Variants in NCKAP5 observed in about 807,000 individuals in gnomAD.
NCKAP5 encodes nck-associated protein 5.
Under a neutral mutation model 167.0 loss-of-function variants are expected in NCKAP5, and 92 were observed. That is an observed-to-expected ratio of 0.55 (90% CI 0.47 to 0.66). The LOEUF (loss-of-function observed/expected upper bound fraction) is 0.66. Among genes scored for constraint, NCKAP5 ranks in the 30% least tolerant of loss-of-function variants. The pLI is 0.00. For missense variants in NCKAP5, 2,378 were observed against 2,315.0 expected, an observed-to-expected ratio of 1.03 and a Z score of -0.56; for synonymous variants, 891 against 877.4, an observed-to-expected ratio of 1.02 and a Z score of -0.27.
chr2:132,793,228 C>T (rs1376975953), intron 12 of NCKAP5, among the ~76,000 whole-genome samples: 2 of 152,172 alleles, frequency 1.3e-5, no homozygotes, highest in African/African-American at 4.8e-5. Context: ...AGGCTGGTCT[C>T]AAACCCTCAA....
the NCKAP5 span, among the ~76,000 whole-genome samples, chr2:133,641,111 G>A: frequency 2.6e-5 from 4 of 152,120 alleles, no homozygotes; most frequent in South Asian, 2.1e-4. Flanking sequence ...TCTGGCATTC[G>A]GGAATCTTCC....
At chr2:133,130,461 A>G (rs1574122384) in intron 5 of NCKAP5, among the ~76,000 whole-genome samples, 1 of 152,348 alleles carries the variant, frequency 6.6e-6, no homozygotes, top group South Asian at 2.1e-4. Context: ...ATAATTAGTA[A>G]GATTATTACC....
chr2:132,798,137 T>A (rs993724589), intron 11 of NCKAP5, among the ~76,000 whole-genome samples: 4 of 152,156 alleles, frequency 2.6e-5, no homozygotes, highest in African/African-American at 7.2e-5. Context: ...AAGACCTCCA[T>A]AGGTAACCAG....
chr2:132,902,345 A>T (rs188269228), intron 8 of NCKAP5, among the ~76,000 whole-genome samples: 1 of 152,324 alleles, frequency 6.6e-6, no homozygotes, highest in East Asian at 1.9e-4. Flanking sequence ...CTCAACTAGC[A>T]ACACAAATCT....
chr2:133,003,732 A>G (rs771641424), intron 6 of NCKAP5, among the ~76,000 whole-genome samples: 13 of 152,246 alleles, frequency 8.5e-5, no homozygotes, highest in Non-Finnish European at 1.9e-4. Context: ...TGCAAGAATA[A>G]CAGCACTGCA....
chr2:132,812,144 G>A (rs1685925970), intron 11 of NCKAP5, among the ~76,000 whole-genome samples: 1 of 152,190 alleles, frequency 6.6e-6, no homozygotes, highest in Non-Finnish European at 1.5e-5. Context: ...TCCTGCAGGA[G>A]CGGTCGCTTC....
intron 3 of NCKAP5, among the ~76,000 whole-genome samples, chr2:133,406,969 A>G (rs1688479290): frequency 6.6e-6 from 1 of 152,166 alleles, no homozygotes; most frequent in African/African-American, 2.4e-5. Flanking sequence ...TATGAATCCA[A>G]CCTTCTCACT....
chr2:133,607,570 A>G, the NCKAP5 span, among the ~76,000 whole-genome samples: 1 of 152,214 alleles, frequency 6.6e-6, no homozygotes, highest in Non-Finnish European at 1.5e-5. Context: ...ACTGAGGAAG[A>G]GAGACTCTTT....
chr2:132,770,372 G>T (rs113858628), intron 16 of NCKAP5, among the ~76,000 whole-genome samples: 1 of 146,848 alleles, frequency 6.8e-6, no homozygotes, highest in Non-Finnish European at 1.5e-5. Flanking sequence ...ATTATATATT[G>T]TATATATTAT....
chr2:133,567,057 A>C (rs1021840002), intron 1 of NCKAP5, among the ~76,000 whole-genome samples: 1 of 152,246 alleles, frequency 6.6e-6, no homozygotes, highest in African/African-American at 2.4e-5. Flanking sequence ...CTGGTGACAG[A>C]GCAGCTGAAT....
chr2:133,133,470 C>A (rs4283469), intron 5 of NCKAP5, among the ~76,000 whole-genome samples: 10,087 of 152,264 alleles, frequency 0.066, 655 homozygotes, highest in East Asian at 0.37. Flanking sequence ...ATCGCTGCAC[C>A]AGAACACAAG....
chr2:133,538,571 GAAGGAAAAGGAC>G (rs1427793531), intron 2 of NCKAP5, among the ~76,000 whole-genome samples: 1 of 152,042 alleles, frequency 6.6e-6, no homozygotes, highest in Non-Finnish European at 1.5e-5. Flanking sequence ...TGAGCTCAGA[GAAGGAAAAGGAC>G]ACCGAAGTCT....
At chr2:133,288,898 A>G (rs1263508529) in intron 4 of NCKAP5, among the ~76,000 whole-genome samples, 6 of 152,192 alleles carry the variant, frequency 3.9e-5, no homozygotes, top group Non-Finnish European at 7.3e-5. Context: ...TGGCCTACCT[A>G]GATGACAGGT....
chr2:133,537,804 A>G (rs924275763), intron 2 of NCKAP5, among the ~76,000 whole-genome samples: 1 of 152,194 alleles, frequency 6.6e-6, no homozygotes, highest in African/African-American at 2.4e-5. Context: ...ACAAATTGAG[A>G]TGCTTAGCCT....
intron 12 of NCKAP5, among the ~76,000 whole-genome samples, chr2:132,792,743 T>C (rs1684171830): frequency 6.6e-6 from 1 of 152,204 alleles, no homozygotes; most frequent in Non-Finnish European, 1.5e-5. Context: ...TCCCAAGGTA[T>C]TGAGGGAGGC....
At chr2:132,974,289 C>A (rs530745993) in intron 7 of NCKAP5, among the ~76,000 whole-genome samples, 4 of 152,232 alleles carry the variant, frequency 2.6e-5, no homozygotes, top group Middle Eastern at 6.8e-3. Flanking sequence ...TAATTCATAG[C>A]AACAATATAA....
At chr2:133,247,824 A>G (rs2088082152) in intron 4 of NCKAP5, among the ~76,000 whole-genome samples, 1 of 151,990 alleles carries the variant, frequency 6.6e-6, no homozygotes, top group Admixed American at 6.6e-5. Context: ...CCTATTTTCT[A>G]TTGCGGCTAC....
chr2:133,449,755 G>T (rs577365666), intron 3 of NCKAP5, among the ~76,000 whole-genome samples: 1 of 151,548 alleles, frequency 6.6e-6, no homozygotes, highest in Admixed American at 6.6e-5. Context: ...GTGCTGTATC[G>T]ATTTGAACTA....
chr2:132,868,643 A>G (rs1399552307), intron 10 of NCKAP5, among the ~76,000 whole-genome samples: 2 of 152,128 alleles, frequency 1.3e-5, no homozygotes, highest in African/African-American at 4.8e-5. Context: ...TCACCAACTT[A>G]TTGCAAGTTT....
Sources: allele counts gnomAD v4.1 joint callset (sites outside exome capture counted in the v4.1 genomes callset), GRCh38; gene constraint gnomAD v4.1.1; transcripts MANE v1.5; gene names NCBI Gene and HGNC (gene_info 2026-07-23, HGNC 2026-07-21).